FNDC3B: variants seen among roughly 807,000 people sequenced by gnomAD.
FNDC3B encodes the protein fibronectin type III domain containing 3B.
Under a neutral mutation model 151.5 loss-of-function variants are expected in FNDC3B, and 12 were observed. The observed-to-expected ratio is 0.08, with a 90% confidence interval of 0.05 to 0.13. The LOEUF is 0.13. Ranked by LOEUF, FNDC3B falls within the 10% of genes least tolerant of loss-of-function variation. The probability of loss-of-function intolerance (pLI) is 1.00; values close to 1 mark genes in which losing one functional copy is unlikely to be tolerated. For missense variants in FNDC3B, 1,214 were observed against 1,505.3 expected (o/e 0.81, Z 3.20); for synonymous variants, 528 against 549.0 (o/e 0.96, Z 0.54).
Position 172,116,877 on chromosome 3 carries a change from T to A in FNDC3B, c.111+4287T>A, listed in dbSNP as rs909007074. Among the ~76,000 whole-genome samples, 9 of 152,308 alleles carry A rather than the reference T, an allele frequency of 5.9e-5. No homozygotes were observed. In the South Asian group the frequency reaches 1.9e-3, roughly 32 times the overall value. On this transcript the variant is annotated intron_variant, in intron 2 of 25. Transcript: ENST00000415807. Reference sequence around the variant, plus strand: ...CACCACGCCCGGTTCACTCAACACATTTCTAAGGTTCATTCATATTGCAGC... The same window carrying A: ...CACCACGCCCGGTTCACTCAACACAATTCTAAGGTTCATTCATATTGCAGC...
At chr3:172,084,500 C>CACACACACACACACACACAT (rs1553759317) in intron 1 of FNDC3B, among the ~76,000 whole-genome samples, 1 of 151,684 alleles carries the variant, frequency 6.6e-6, no homozygotes, top group African/African-American at 2.4e-5. Context: ...CACACACACA[C>CACACACACACACACACACAT]GTATATTCTG....
intron 4 of FNDC3B, among the ~76,000 whole-genome samples, chr3:172,228,028 A>G (rs1195117376): frequency 6.6e-6 from 1 of 152,082 alleles, no homozygotes; most frequent in Non-Finnish European, 1.5e-5. Context: ...AGCCACTATA[A>G]TTTCATTTTT....
chr3:172,132,214 G>C (rs971663199), intron 2 of FNDC3B, among the ~76,000 whole-genome samples: 1 of 152,132 alleles, frequency 6.6e-6, no homozygotes, highest in Non-Finnish European at 1.5e-5. Flanking sequence ...TAAGATGAAG[G>C]AGTACAGGAA....
intron 7 of FNDC3B, among the ~76,000 whole-genome samples, chr3:172,294,024 A>G (rs754284643): frequency 6.6e-6 from 1 of 152,224 alleles, no homozygotes; most frequent in Non-Finnish European, 1.5e-5. Flanking sequence ...TGTTTTTAAT[A>G]TGCTATCCAG....
At chr3:172,121,569 G>T (rs1009807963) in intron 2 of FNDC3B, among the ~76,000 whole-genome samples, 1 of 152,188 alleles carries the variant, frequency 6.6e-6, no homozygotes, top group South Asian at 2.1e-4. Context: ...CAGATGCAAG[G>T]TAAAAGCAGT....
intron 3 of FNDC3B, among the ~76,000 whole-genome samples, chr3:172,153,188 T>C (rs1722317754): frequency 6.6e-6 from 1 of 152,160 alleles, no homozygotes; most frequent in Admixed American, 6.5e-5. Flanking sequence ...AATGTGAATT[T>C]GGATACAGTA....
intron 1 of FNDC3B, among the ~76,000 whole-genome samples, chr3:172,066,944 C>G (rs1231214883): frequency 6.6e-6 from 1 of 152,150 alleles, no homozygotes; most frequent in Non-Finnish European, 1.5e-5. Flanking sequence ...CAGACATATA[C>G]AATACTCTCT....
chr3:172,283,127 G>A (rs1286887296), intron 6 of FNDC3B, among the ~76,000 whole-genome samples: 2 of 152,236 alleles, frequency 1.3e-5, no homozygotes, highest in Non-Finnish European at 2.9e-5. Context: ...AAGGCAAACA[G>A]AGAAGGCAAG....
At chr3:172,187,810 G>A (rs1320963750) in intron 3 of FNDC3B, among the ~76,000 whole-genome samples, 2 of 151,976 alleles carry the variant, frequency 1.3e-5, no homozygotes, top group African/African-American at 2.4e-5. Context: ...TGTAGAGAGC[G>A]GATTTCGCCA....
intron 9 of FNDC3B, among the ~76,000 whole-genome samples, chr3:172,304,347 A>G (rs528557203): frequency 1.3e-5 from 2 of 152,202 alleles, no homozygotes; most frequent in South Asian, 2.1e-4. Flanking sequence ...TTTTGGGAAC[A>G]TATAGGACCT....
intron 3 of FNDC3B, among the ~76,000 whole-genome samples, chr3:172,217,978 T>C (rs2108726594): frequency 6.6e-6 from 1 of 152,266 alleles, no homozygotes; most frequent in South Asian, 2.1e-4. Flanking sequence ...TTTTGGTTCT[T>C]GGTAGTGATA....
intron 3 of FNDC3B, among the ~76,000 whole-genome samples, chr3:172,192,212 C>T (rs1180602561): frequency 5.5e-5 from 8 of 146,378 alleles, no homozygotes; most frequent in Non-Finnish European, 1.2e-4. Context: ...TTGCTCTGTC[C>T]CCCAGGCTGG....
At chr3:172,349,064 G>A (rs1733738021) in intron 21 of FNDC3B, among the ~76,000 whole-genome samples, 1 of 152,016 alleles carries the variant, frequency 6.6e-6, no homozygotes, top group African/African-American at 2.4e-5. Flanking sequence ...GCTGAGGCCG[G>A]CTGATCTCTT....
At chr3:172,172,411 A>G (rs1723329201) in intron 3 of FNDC3B, among the ~76,000 whole-genome samples, 1 of 152,230 alleles carries the variant, frequency 6.6e-6, no homozygotes. Context: ...CTAGATTTCA[A>G]TTTCTGGGTT....
At chr3:172,087,507 A>C (rs535227360) in intron 1 of FNDC3B, among the ~76,000 whole-genome samples, 6 of 152,290 alleles carry the variant, frequency 3.9e-5, no homozygotes, top group African/African-American at 1.4e-4. Context: ...TTAGGTGGAA[A>C]ATATGCTTAG....
chr3:172,205,583 A>G (rs914069866), intron 3 of FNDC3B, among the ~76,000 whole-genome samples: 2 of 152,222 alleles, frequency 1.3e-5, no homozygotes, highest in Non-Finnish European at 2.9e-5. Context: ...TGGCCCCAGT[A>G]TCTGCCACAA....
chr3:172,268,278 A>G (rs1490000284), intron 6 of FNDC3B, among the ~76,000 whole-genome samples: 1 of 152,256 alleles, frequency 6.6e-6, no homozygotes, highest in Non-Finnish European at 1.5e-5. Context: ...TAGTTAAATG[A>G]ACAAATTAGT....
At chr3:172,396,847 C>G (rs1472303954) in intron 25 of FNDC3B, among the ~76,000 whole-genome samples, 2 of 152,168 alleles carry the variant, frequency 1.3e-5, no homozygotes, top group Admixed American at 6.5e-5. Flanking sequence ...GGTTGGGGAC[C>G]GCTGACCTAA....
chr3:172,159,174 G>T (rs1722648103), intron 3 of FNDC3B, among the ~76,000 whole-genome samples: 1 of 152,234 alleles, frequency 6.6e-6, no homozygotes, highest in East Asian at 1.9e-4. Flanking sequence ...AGCTACTCAG[G>T]AGGCTGAGGC....
Sources: allele counts gnomAD v4.1 joint callset (sites outside exome capture counted in the v4.1 genomes callset), GRCh38; gene constraint gnomAD v4.1.1; transcripts MANE v1.5; gene names NCBI Gene and HGNC (gene_info 2026-07-23, HGNC 2026-07-21).